WDR7: variants seen among roughly 807,000 people sequenced by gnomAD.
The protein encoded by WDR7 is WD repeat domain 7, also known as WD repeat-containing protein 7.
Under a neutral mutation model 169.4 loss-of-function variants are expected in WDR7, and 46 were observed. The ratio of observed to expected loss-of-function variants is 0.27; its 90% confidence interval spans 0.21 to 0.35. WDR7 has a LOEUF of 0.35. Ranked by LOEUF, WDR7 falls within the 10% of genes least tolerant of loss-of-function variation. The pLI, the probability that WDR7 is intolerant of heterozygous loss-of-function variation, is 1.00. For synonymous variants in WDR7, 612 were observed against 666.8 expected (o/e 0.92, Z 1.27); for missense variants, 1,534 against 1,859.3 (o/e 0.83, Z 3.22).
intron 20 of WDR7, chr18:56,872,618 T>C (rs2045969369): frequency 6.6e-6 from 1 of 152,180 alleles, no homozygotes; most frequent in Non-Finnish European, 1.5e-5. Context: ...ACAGAACATG[T>C]ATTCTGTTTG....
At chr18:56,999,423 A>G (rs1186639399) in intron 26 of WDR7, among the ~76,000 whole-genome samples, 1 of 152,232 alleles carries the variant, frequency 6.6e-6, no homozygotes, top group Non-Finnish European at 1.5e-5. Context: ...TATGTATTAA[A>G]CTTCAGTTGA....
intron 26 of WDR7, among the ~76,000 whole-genome samples, chr18:56,999,842 C>G (rs541172482): frequency 2.8e-4 from 42 of 152,220 alleles, no homozygotes; most frequent in Admixed American, 1.0e-3. Flanking sequence ...AGAAAACCCC[C>G]CTAGAGAACG....
chr18:56,704,453 T>A (rs2469467), intron 12 of WDR7, among the ~76,000 whole-genome samples: 1 of 151,856 alleles, frequency 6.6e-6, no homozygotes, highest in Admixed American at 6.6e-5. Flanking sequence ...GTGAGAGGAT[T>A]GCTTGAGCCC....
intron 21 of WDR7, among the ~76,000 whole-genome samples, chr18:56,909,369 G>T (rs2046523070): frequency 6.6e-6 from 1 of 152,030 alleles, no homozygotes; most frequent in Non-Finnish European, 1.5e-5. Context: ...GGAACATTTT[G>T]CCATTTTAAA....
chr18:56,739,545 T>C (rs147188526), intron 14 of WDR7, among the ~76,000 whole-genome samples: 5 of 152,306 alleles, frequency 3.3e-5, no homozygotes, highest in African/African-American at 1.2e-4. Context: ...TTTTGTACTT[T>C]ACATTTTTAT....
intron 21 of WDR7, among the ~76,000 whole-genome samples, chr18:56,917,994 T>A (rs1298099515): frequency 2.0e-5 from 3 of 152,198 alleles, no homozygotes; most frequent in Non-Finnish European, 4.4e-5. Flanking sequence ...AGGGTCTAAG[T>A]TGTGATGTAT....
chr18:56,811,832 C>T (rs779876719), intron 19 of WDR7, among the ~76,000 whole-genome samples: 5 of 152,158 alleles, frequency 3.3e-5, no homozygotes, highest in Non-Finnish European at 7.4e-5. Flanking sequence ...GTTACATTAA[C>T]ATAATGTTTA....
intron 26 of WDR7, among the ~76,000 whole-genome samples, chr18:56,990,852 C>T (rs2047802299): frequency 6.6e-6 from 1 of 152,210 alleles, no homozygotes; most frequent in African/African-American, 2.4e-5. Context: ...TTATTTCAAT[C>T]TCAGCTTTTC....
At chr18:56,757,614 C>G (rs1599020760) in intron 15 of WDR7, among the ~76,000 whole-genome samples, 1 of 151,984 alleles carries the variant, frequency 6.6e-6, no homozygotes, top group Non-Finnish European at 1.5e-5. Context: ...TATAGACTAG[C>G]TCTTGTAAAT....
At chr18:56,810,662 TC>T (rs946714198) in intron 19 of WDR7, among the ~76,000 whole-genome samples, 1 of 152,162 alleles carries the variant, frequency 6.6e-6, no homozygotes, top group African/African-American at 2.4e-5. Context: ...ACTCTTTTCC[TC>T]CCTTTTTTTC....
At chr18:56,875,826 C>G (rs2046014234) in intron 20 of WDR7, among the ~76,000 whole-genome samples, 1 of 152,188 alleles carries the variant, frequency 6.6e-6, no homozygotes, top group African/African-American at 2.4e-5. Context: ...GCAATTCTTA[C>G]ATGTTGAATA....
chr18:56,926,951 C>T (rs1314502820), intron 22 of WDR7, among the ~76,000 whole-genome samples: 1 of 152,080 alleles, frequency 6.6e-6, no homozygotes, highest in Non-Finnish European at 1.5e-5. Flanking sequence ...TTGGGCTGCC[C>T]CTTTTTGTGC....
Position 56,757,410 on chromosome 18 carries a change from T to A in WDR7, c.2759+58T>A. The A allele has an allele frequency of 4.1e-6, 6 of 1,463,716 alleles. 1 individual carries two copies. The highest frequency in any genetic ancestry group is 2.9e-5 in the South Asian group (2 of 68,078). The allele number at this position is 1,463,716 out of a possible 1,614,324, so 90.7% of individuals were successfully genotyped here. On this transcript the variant is annotated intron_variant, in intron 15 of 27. Transcript: ENST00000254442. ...GTTTCAAAAAAAGAAACCTGTTTTATTTTTTCATTGTTGATTACTCTTTTT... is the reference window on the plus strand; with the variant it reads ...GTTTCAAAAAAAGAAACCTGTTTTAATTTTTCATTGTTGATTACTCTTTTT...
intron 25 of WDR7, among the ~76,000 whole-genome samples, chr18:56,952,531 C>T (rs543192866): frequency 6.6e-6 from 1 of 152,292 alleles, no homozygotes; most frequent in East Asian, 1.9e-4. Context: ...TAATTACTCT[C>T]AAACGTAATC....
chr18:57,010,212 T>C, intron 26 of WDR7: 1 of 985,442 alleles, frequency 1.0e-6, no homozygotes, highest in Non-Finnish European at 1.2e-6. Context: ...GAAAAAAACA[T>C]TTAGCTTTGG....
At chr18:56,751,430 G>C (rs1168344342) in intron 14 of WDR7, among the ~76,000 whole-genome samples, 1 of 152,330 alleles carries the variant, frequency 6.6e-6, no homozygotes, top group South Asian at 2.1e-4. Flanking sequence ...TTCTTTGGTA[G>C]TAATGGTCTT....
At chr18:56,891,479 AGTTTCT>A (rs1461121258) in intron 21 of WDR7, among the ~76,000 whole-genome samples, 4 of 152,110 alleles carry the variant, frequency 2.6e-5, no homozygotes, top group African/African-American at 9.7e-5. Context: ...TATAAATGTT[AGTTTCT>A]GTTGTTGTTG....
At chr18:56,673,692 G>A (rs553947516) in intron 2 of WDR7, among the ~76,000 whole-genome samples, 143 of 151,842 alleles carry the variant, frequency 9.4e-4, no homozygotes, top group Admixed American at 1.8e-3. Context: ...AAAACTAGCC[G>A]GACGTGGTGG....
intron 19 of WDR7, among the ~76,000 whole-genome samples, chr18:56,810,701 A>AAG: frequency 6.6e-6 from 1 of 152,214 alleles, no homozygotes; most frequent in South Asian, 2.1e-4. Flanking sequence ...AAAAAGTATC[A>AAG]AGAGAGTACA....
Sources: gnomAD v4.1 joint callset for allele counts (sites outside exome capture counted in the v4.1 genomes callset) on GRCh38, gnomAD v4.1.1 for gene constraint, MANE v1.5 for transcripts, NCBI Gene and HGNC (gene_info 2026-07-23, HGNC 2026-07-21) for gene names.